Variants in FBXO36 observed in about 807,000 individuals in gnomAD.
The protein encoded by FBXO36 is F-box protein 36.
Under a neutral mutation model 17.0 loss-of-function variants are expected in FBXO36, and 18 were observed. The observed-to-expected ratio is 1.06, with a 90% confidence interval of 0.73 to 1.57. The LOEUF is 1.57. Among genes scored for constraint, FBXO36 ranks in the 40% most tolerant of loss-of-function variants. The pLI is 0.00. For missense variants in FBXO36, 229 were observed against 221.9 expected (o/e 1.03, Z -0.20); for synonymous variants, 83 against 85.3 (o/e 0.97, Z 0.15).
At chr2:229,924,426 C>T (rs966456691) in intron 1 of FBXO36, among the ~76,000 whole-genome samples, 1 of 152,128 alleles carries the variant, frequency 6.6e-6, no homozygotes, top group Admixed American at 6.5e-5. Context: ...CATTTCTTCA[C>T]CTCCTAACAT....
chr2:229,963,745 A>G (rs979592165), intron 1 of FBXO36, among the ~76,000 whole-genome samples: 3 of 152,102 alleles, frequency 2.0e-5, no homozygotes, highest in Admixed American at 6.6e-5. Context: ...CGCCCAGCCT[A>G]TCCTTTGTGT....
intron 1 of FBXO36, among the ~76,000 whole-genome samples, chr2:229,941,855 A>C (rs1403231704): frequency 6.6e-6 from 1 of 152,032 alleles, no homozygotes; most frequent in Non-Finnish European, 1.5e-5. Flanking sequence ...TGTCTCTACT[A>C]AAATACAAAA....
intron 3 of FBXO36, among the ~76,000 whole-genome samples, chr2:230,005,199 T>C (rs994027053): frequency 4.6e-5 from 7 of 152,136 alleles, no homozygotes; most frequent in African/African-American, 1.4e-4. Flanking sequence ...CCTCCTGGGC[T>C]CAAGCAATCC....
At position 229,922,620 on chromosome 2, in the gene FBXO36, G is replaced by A. The variant is rs376553274; in HGVS notation, c.96+11G>A. 1,148 of 1,613,706 alleles carry A rather than the reference G, an allele frequency of 7.1e-4. 20 individuals carry two copies. The South Asian group carries it at 0.012, about 16-fold the overall frequency. ...GTCACCCGGTCTCAGGCAAGTGCGAGCCGCGGTTTACCCTCTCTCCTAACT... is the reference window on the plus strand; with the variant it reads ...GTCACCCGGTCTCAGGCAAGTGCGAACCGCGGTTTACCCTCTCTCCTAACT... On this transcript the variant is annotated intron_variant, in intron 1 of 3. Coordinates refer to ENST00000283946, the MANE Select transcript of FBXO36 (RefSeq NM_174899.5).
At chr2:230,000,738 C>T (rs1337673982) in intron 3 of FBXO36, among the ~76,000 whole-genome samples, 1 of 151,932 alleles carries the variant, frequency 6.6e-6, no homozygotes, top group African/African-American at 2.4e-5. Flanking sequence ...AGTAGGTCTT[C>T]TCTAGGTTGC....
At chr2:229,925,581 T>G (rs2076908044) in intron 1 of FBXO36, among the ~76,000 whole-genome samples, 1 of 152,184 alleles carries the variant, frequency 6.6e-6, no homozygotes. Flanking sequence ...ATTATCCAAA[T>G]TATGCCCCAG....
chr2:229,926,879 A>C lies in FBXO36; in HGVS notation c.96+4270A>C, dbSNP rs73103539. Among the ~76,000 whole-genome samples the C allele has an allele frequency of 5.3e-3, 801 of 151,744 alleles. 9 individuals are homozygous for C. The highest frequency in any genetic ancestry group is 0.019 in the African/African-American group (775 of 41,388). On this transcript the variant is annotated intron_variant, in intron 1 of 3. Transcript: ENST00000283946. ...ATCTTTGTTTTTTTTTTGTTTTTGC[A>C]ACAAGAGCCTCACTCTGTCATCCAG...
At chr2:229,930,096 C>G (rs2076931695) in intron 1 of FBXO36, among the ~76,000 whole-genome samples, 1 of 152,020 alleles carries the variant, frequency 6.6e-6, no homozygotes, top group Non-Finnish European at 1.5e-5. Flanking sequence ...ACAGGTAATC[C>G]TAGCACGTTG....
intron 3 of FBXO36, among the ~76,000 whole-genome samples, chr2:230,002,363 T>C (rs968117126): frequency 6.6e-6 from 1 of 151,942 alleles, no homozygotes; most frequent in Non-Finnish European, 1.5e-5. Flanking sequence ...TTTCTCTGTT[T>C]TTTCCCCCCC....
intron 1 of FBXO36, among the ~76,000 whole-genome samples, chr2:229,926,303 C>T (rs1462349305): frequency 1.3e-5 from 2 of 150,558 alleles, no homozygotes; most frequent in Admixed American, 6.6e-5. Flanking sequence ...TGGTGATGCA[C>T]GCCTGTAGTC....
intron 2 of FBXO36, among the ~76,000 whole-genome samples, chr2:229,986,922 C>T (rs1475007115): frequency 6.6e-6 from 1 of 151,852 alleles, no homozygotes; most frequent in Non-Finnish European, 1.5e-5. Context: ...CAGAAAAGAA[C>T]ATTACAGAGA....
chr2:229,945,427 C>T (rs2077021762), intron 1 of FBXO36, among the ~76,000 whole-genome samples: 1 of 152,108 alleles, frequency 6.6e-6, no homozygotes, highest in South Asian at 2.1e-4. Flanking sequence ...CTGCCTTTGC[C>T]TCCCGAGTAG....
At chr2:230,008,511 AAAAC>A (rs1437953751) in intron 3 of FBXO36, among the ~76,000 whole-genome samples, 3 of 152,190 alleles carry the variant, frequency 2.0e-5, no homozygotes, top group African/African-American at 7.2e-5. Context: ...CTTATAATAT[AAAAC>A]AAAACTGTAA....
intron 3 of FBXO36, among the ~76,000 whole-genome samples, chr2:230,004,839 T>C (rs1337250268): frequency 6.6e-6 from 1 of 152,040 alleles, no homozygotes; most frequent in Non-Finnish European, 1.5e-5. Context: ...AAACCTCGTC[T>C]CTACTAAAAA....
chr2:229,960,433 C>G (rs1269123306), intron 1 of FBXO36, among the ~76,000 whole-genome samples: 1 of 151,908 alleles, frequency 6.6e-6, no homozygotes, highest in Non-Finnish European at 1.5e-5. Flanking sequence ...GCCACCTTGG[C>G]TTCCCAAAGT....
At chr2:229,934,380 G>A (rs1253767917) in intron 1 of FBXO36, among the ~76,000 whole-genome samples, 1 of 152,050 alleles carries the variant, frequency 6.6e-6, no homozygotes, top group East Asian at 1.9e-4. Context: ...CAGCCTGGGC[G>A]ACAGAGCGAG....
chr2:229,990,331 A>C (rs1270119743), intron 2 of FBXO36, among the ~76,000 whole-genome samples: 1 of 151,076 alleles, frequency 6.6e-6, no homozygotes, highest in Admixed American at 6.6e-5. Context: ...ATACCAACCC[A>C]TATTTGTACC....
intron 1 of FBXO36, among the ~76,000 whole-genome samples, chr2:229,964,171 T>A (rs1359554006): frequency 6.6e-6 from 1 of 152,214 alleles, no homozygotes; most frequent in Non-Finnish European, 1.5e-5. Context: ...ATTATTTTAT[T>A]TTTTACTTTG....
At chr2:229,985,318 C>G (rs2077262539) in intron 2 of FBXO36, among the ~76,000 whole-genome samples, 1 of 152,156 alleles carries the variant, frequency 6.6e-6, no homozygotes, top group African/African-American at 2.4e-5. Flanking sequence ...CTCCAAAAAA[C>G]TGCTGTGTTA....
Sources: allele counts gnomAD v4.1 joint callset (sites outside exome capture counted in the v4.1 genomes callset), GRCh38; gene constraint gnomAD v4.1.1; transcripts MANE v1.5; gene names NCBI Gene and HGNC (gene_info 2026-07-23, HGNC 2026-07-21).